Variants in ACACA observed in about 807,000 individuals in gnomAD.
ACACA encodes acetyl-CoA carboxylase 1.
In ACACA, 103 loss-of-function variants were observed where a neutral mutation model predicts 296.1. That is an observed-to-expected ratio of 0.35 (90% CI 0.30 to 0.41). The LOEUF (loss-of-function observed/expected upper bound fraction) is 0.41, where lower values mean the gene tolerates loss of function less well. Among genes scored for constraint, ACACA ranks in the 10% least tolerant of loss-of-function variants. The probability of loss-of-function intolerance (pLI) is 1.00; values close to 1 mark genes in which losing one functional copy is unlikely to be tolerated. For missense variants in ACACA, 1,554 were observed against 2,989.7 expected, an observed-to-expected ratio of 0.52 and a Z score of 11.20; for synonymous variants, 953 against 1,038.6, an observed-to-expected ratio of 0.92 and a Z score of 1.58.
chr17:37,389,023 G>A (rs1039620060), intron 1 of ACACA, among the ~76,000 whole-genome samples: 1 of 152,190 alleles, frequency 6.6e-6, no homozygotes, highest in Non-Finnish European at 1.5e-5. Context: ...TAGTTATAAA[G>A]ATTGAGATTC....
intron 16 of ACACA, among the ~76,000 whole-genome samples, chr17:37,250,853 G>T (rs895316013): frequency 1.3e-5 from 2 of 151,440 alleles, no homozygotes; most frequent in African/African-American, 4.9e-5. Context: ...GTGAAACCCT[G>T]TCTCTAATAA....
intron 45 of ACACA, among the ~76,000 whole-genome samples, chr17:37,142,193 C>T (rs912448975): frequency 8.5e-5 from 13 of 152,098 alleles, no homozygotes; most frequent in Non-Finnish European, 1.8e-4. Context: ...AATTCTTAGA[C>T]TCTAAGCCAC....
intron 1 of ACACA, among the ~76,000 whole-genome samples, chr17:37,363,698 AC>A (rs1414876515): frequency 1.3e-5 from 2 of 151,696 alleles, no homozygotes; most frequent in African/African-American, 4.8e-5. Flanking sequence ...AGAAAATAGA[AC>A]CATGGGCTGG....
chr17:37,350,513 C>A (rs1041671421), intron 1 of ACACA, among the ~76,000 whole-genome samples: 2 of 152,040 alleles, frequency 1.3e-5, no homozygotes, highest in African/African-American at 4.8e-5. Context: ...GAGCGAGACC[C>A]TGTCTCGAAA....
chr17:37,265,773 T>C (rs577114286), intron 10 of ACACA, among the ~76,000 whole-genome samples: 12 of 152,274 alleles, frequency 7.9e-5, no homozygotes, highest in African/African-American at 2.9e-4. Context: ...AGGTCCTTAA[T>C]CCATGGCATC....
At chr17:37,390,841 G>C (rs529630775) in intron 1 of ACACA, among the ~76,000 whole-genome samples, 2 of 151,924 alleles carry the variant, frequency 1.3e-5, no homozygotes, top group Non-Finnish European at 2.9e-5. Context: ...GAAGAAATAG[G>C]CCTGAAGGGA....
intron 26 of ACACA, chr17:37,225,547 T>G (rs1468600222): frequency 5.2e-6 from 1 of 193,824 alleles, no homozygotes; most frequent in Non-Finnish European, 1.1e-5. Context: ...GAAAGCTGCT[T>G]TGACAGCCCC....
At chr17:37,200,216 C>A (rs1465683159) in intron 34 of ACACA, 33 bp from the exon 35 acceptor site, 1 of 1,578,394 alleles carries the variant, frequency 6.3e-7, no homozygotes. Flanking sequence ...GAAGGAAAGA[C>A]AGCAGAAGTT....
At chr17:37,164,441 A>G (rs1053042807) in intron 41 of ACACA, among the ~76,000 whole-genome samples, 1 of 152,242 alleles carries the variant, frequency 6.6e-6, no homozygotes, top group African/African-American at 2.4e-5. Context: ...TCAGATAAAT[A>G]TAAGCTATTT....
intron 29 of ACACA, among the ~76,000 whole-genome samples, chr17:37,219,174 C>T (rs186200324): frequency 4.6e-5 from 7 of 152,210 alleles, no homozygotes; most frequent in Admixed American, 2.0e-4. Flanking sequence ...AGCATGCCTA[C>T]GTAATGAAGC....
intron 3 of ACACA, among the ~76,000 whole-genome samples, chr17:37,296,522 G>C (rs559041867): frequency 6.3e-4 from 96 of 151,936 alleles, no homozygotes; most frequent in Admixed American, 1.7e-3. Context: ...AGCCAGGATG[G>C]TCTCGATCTC....
At chr17:37,363,996 C>T (rs958862455) in intron 1 of ACACA, among the ~76,000 whole-genome samples, 20 of 152,012 alleles carry the variant, frequency 1.3e-4, no homozygotes, top group African/African-American at 4.6e-4. Flanking sequence ...TGGTGGCAGG[C>T]GCCTGTAATC....
At chr17:37,152,476 AC>A (rs1294990067) in intron 43 of ACACA, among the ~76,000 whole-genome samples, 2 of 152,072 alleles carry the variant, frequency 1.3e-5, no homozygotes, top group Non-Finnish European at 2.9e-5. Flanking sequence ...AAAATACTGA[AC>A]TCCCATTCAT....
intron 45 of ACACA, among the ~76,000 whole-genome samples, chr17:37,132,299 G>C (rs1017822004): frequency 6.6e-6 from 1 of 152,074 alleles, no homozygotes; most frequent in African/African-American, 2.4e-5. Flanking sequence ...ACTCACACAT[G>C]CATCAGGAAA....
At chr17:37,326,882 G>A (rs2047648605) in intron 3 of ACACA, among the ~76,000 whole-genome samples, 1 of 151,970 alleles carries the variant, frequency 6.6e-6, no homozygotes, top group Non-Finnish European at 1.5e-5. Flanking sequence ...TCTTTCATTG[G>A]ACTCTAGAAA....
At chr17:37,111,445 A>C (rs916499658) in intron 52 of ACACA, 86 bp downstream of exon 52, 1 of 949,228 alleles carries the variant, frequency 1.1e-6, no homozygotes, top group African/African-American at 1.6e-5. Context: ...CAAATGCTTC[A>C]GTGCCTCCTC....
intron 29 of ACACA, among the ~76,000 whole-genome samples, chr17:37,211,171 T>C (rs1184256425): frequency 6.6e-6 from 1 of 152,234 alleles, no homozygotes; most frequent in East Asian, 1.9e-4. Context: ...GATTCTATGA[T>C]AAGTTGTTAA....
At chr17:37,376,731 G>T (rs1186663556) in intron 1 of ACACA, among the ~76,000 whole-genome samples, 2 of 152,198 alleles carry the variant, frequency 1.3e-5, no homozygotes, top group Non-Finnish European at 2.9e-5. Flanking sequence ...AAGATTGGTG[G>T]ATCACCTGAG....
At chr17:37,094,434 G>T (rs540886550) in intron 54 of ACACA, among the ~76,000 whole-genome samples, 4 of 152,226 alleles carry the variant, frequency 2.6e-5, no homozygotes, top group African/African-American at 9.6e-5. Flanking sequence ...TGCCTATCTC[G>T]AAATGTCTTT....
Sources: gnomAD v4.1 joint callset for allele counts (sites outside exome capture counted in the v4.1 genomes callset) on GRCh38, gnomAD v4.1.1 for gene constraint, MANE v1.5 for transcripts, NCBI Gene and HGNC (gene_info 2026-07-23, HGNC 2026-07-21) for gene names.